PRDM2: variants seen among roughly 807,000 people sequenced by gnomAD.
The protein encoded by PRDM2 is PR domain zinc finger protein 2.
A neutral mutation model predicts 130.0 loss-of-function variants in PRDM2; 30 were observed. The ratio of observed to expected loss-of-function variants is 0.23; its 90% CI spans 0.17 to 0.31. The LOEUF (loss-of-function observed/expected upper bound fraction) is 0.31. Among genes scored for constraint, PRDM2 ranks in the 10% least tolerant of loss-of-function variants. The probability of loss-of-function intolerance (pLI) is 1.00; values close to 1 mark genes in which losing one functional copy is unlikely to be tolerated. For missense variants in PRDM2, 2,011 were observed against 2,108.4 expected (o/e 0.95, Z 0.90); for synonymous variants, 871 against 782.4 (o/e 1.11, Z -1.89).
intron 8 of PRDM2, among the ~76,000 whole-genome samples, chr1:13,792,992 C>G (rs895566740): frequency 7.9e-5 from 12 of 152,242 alleles, no homozygotes; most frequent in Non-Finnish European, 1.6e-4. Flanking sequence ...ACCACCTAAT[C>G]ACTGTGCCCT....
intron 6 of PRDM2, among the ~76,000 whole-genome samples, chr1:13,752,988 G>A (rs996635607): frequency 5.3e-5 from 8 of 152,188 alleles, no homozygotes; most frequent in South Asian, 2.1e-4. Flanking sequence ...AACATGGCTG[G>A]CGTTTACTTC....
rs778100937 is a variant in PRDM2, at chr1:13,778,764, A to C, written c.969A>C (p.Pro323=). The part of the protein sequence containing the change: ...DEKPEDLLEE[P]KTTSEETLED... The stretch of plus-strand genomic sequence containing the variant: ...AGCCAGAAGATTTATTAGAGGAACC[A>C]AAAACAACTTCAGAAGAAACTCTTG... The change falls in exon 8 of 10, where the codon CCA becomes CCC. Residue 323 remains proline, a synonymous_variant. Transcript: ENST00000311066. 1.9e-5 allele frequency: 31 copies of C among 1,613,896 alleles called. No homozygotes were observed. The highest frequency in any genetic ancestry group is 2.5e-5 in the Non-Finnish European group (30 of 1,180,026).
rs765601495 is a variant in PRDM2, at chr1:13,779,207, C to A, written c.1412C>A (p.Ser471Tyr). The change falls in exon 8 of 10, where the codon TCT (serine) becomes TAT (tyrosine). Residue 471 changes from serine to tyrosine, a missense_variant. Coordinates refer to ENST00000311066, the MANE Select transcript of PRDM2 (RefSeq NM_001393986.1). This position sits in a 1 kb window ranked among gnomAD's most constrained non-coding sequence, Gnocchi z 4.9. Reference sequence around the variant, plus strand: ...GCTTCCCAAGACACAATAAATTCTTCTGTCGTAGAAGAGAATGGGGAAGTT... The same window carrying A: ...GCTTCCCAAGACACAATAAATTCTTATGTCGTAGAAGAGAATGGGGAAGTT... ...EKASQDTINS[S>Y]VVEENGEVKE... 6.2e-7 allele frequency: 1 copy of A among 1,614,180 alleles called. No homozygotes were observed. Among genetic ancestry groups the A allele is most frequent in the South Asian group, 1.1e-5 (1 of 91,088 alleles).
chr1:13,741,610 T>C (rs1191958688), intron 4 of PRDM2, among the ~76,000 whole-genome samples: 1 of 152,178 alleles, frequency 6.6e-6, no homozygotes, highest in Non-Finnish European at 1.5e-5. Flanking sequence ...CACTGCAAGC[T>C]GTTTTCCTTT....
chr1:13,759,569 A>G (rs780365106), intron 6 of PRDM2, among the ~76,000 whole-genome samples: 7 of 152,154 alleles, frequency 4.6e-5, no homozygotes, highest in African/African-American at 1.4e-4. Context: ...CAGAATGTCT[A>G]AGGGCCTGTG....
At chr1:13,716,393 A>G (rs995292312) in intron 2 of PRDM2, among the ~76,000 whole-genome samples, 2 of 152,036 alleles carry the variant, frequency 1.3e-5, no homozygotes, top group African/African-American at 4.8e-5. Context: ...TGGCACATGT[A>G]TACGTATGTA....
At chr1:13,712,763 A>C (rs1007662206) in intron 1 of PRDM2, among the ~76,000 whole-genome samples, 1 of 151,950 alleles carries the variant, frequency 6.6e-6, no homozygotes, top group Non-Finnish European at 1.5e-5. Context: ...CCGTCTCAAA[A>C]AACAAACAAA....
intron 8 of PRDM2, among the ~76,000 whole-genome samples, chr1:13,798,405 A>T (rs1026942440): frequency 1.4e-4 from 22 of 152,230 alleles, no homozygotes; most frequent in African/African-American, 5.3e-4. Context: ...AATTAAAATT[A>T]GTGTTACTGC....
chr1:13,809,893 T>C (rs1265792506), intron 8 of PRDM2, among the ~76,000 whole-genome samples: 2 of 152,174 alleles, frequency 1.3e-5, no homozygotes, highest in Admixed American at 6.5e-5. Context: ...AGTTCAAGAT[T>C]AGGGTACCAG....
In PRDM2 at chr1:13,786,811, G is replaced by A. The variant is rs755107103; in HGVS notation, c.5036+3980G>A. 2.3e-4 allele frequency: 284 copies of A among 1,259,950 alleles called. 1 individual carries two copies. The highest frequency in any genetic ancestry group is 2.7e-4 in the Non-Finnish European group (268 of 997,154). The allele number at this position is 1,259,950 out of a possible 1,614,324, so 78.0% of individuals were successfully genotyped here. ...GAACTGGCTCCTCGTCATGGGACTG[G>A]TACCTCAGATCTGAGCATGGCCCTT... On this transcript the variant is annotated intron_variant, in intron 8 of 9. Transcript: ENST00000311066.
rs376070230 is a variant in PRDM2, at chr1:13,781,002, C to T, written c.3207C>T (p.Ser1069=). Residue 1069 remains serine (S), a synonymous_variant, in exon 8 of 10, where the codon TCC becomes TCT. Transcript: ENST00000311066. This position sits in a 1 kb window ranked among gnomAD's most constrained non-coding sequence, Gnocchi z 6.1. ...SSSSSFSSSS[S]SSSPSPPPLS... The stretch of plus-strand genomic sequence containing the variant: ...CCTCTTCGTTTTCTTCTTCATCTTC[C>T]TCCTCTTCTCCTTCTCCACCTCCTC... 6.9e-6 allele frequency: 11 copies of T among 1,600,344 alleles called. No homozygotes were observed. The highest frequency in any genetic ancestry group is 1.3e-5 in the African/African-American group (1 of 74,508).
At chr1:13,767,311 T>C (rs1557634109) in intron 6 of PRDM2, among the ~76,000 whole-genome samples, 2 of 152,026 alleles carry the variant, frequency 1.3e-5, no homozygotes, top group East Asian at 3.9e-4. Flanking sequence ...GTCTTTGTTT[T>C]GTTTTTGAGA....
At chr1:13,819,218 C>A (rs944685085) in intron 9 of PRDM2, among the ~76,000 whole-genome samples, 2 of 152,362 alleles carry the variant, frequency 1.3e-5, no homozygotes, top group South Asian at 4.1e-4. Context: ...TGGGCCATTT[C>A]TGTTGGCCAC....
intron 9 of PRDM2, 102 bp from the exon 10 acceptor site, chr1:13,823,057 A>G (rs1645378892): frequency 8.5e-7 from 1 of 1,176,158 alleles, no homozygotes; most frequent in Admixed American, 2.0e-5. Flanking sequence ...TGTTTCAATA[A>G]ACAGTTTAGT....
intron 4 of PRDM2, among the ~76,000 whole-genome samples, chr1:13,738,543 A>AGTGC (rs947894169): frequency 7.2e-5 from 11 of 152,214 alleles, no homozygotes; most frequent in African/African-American, 2.7e-4. Flanking sequence ...AGGGTCTGTT[A>AGTGC]GTGCGGCTTC....
intron 6 of PRDM2, among the ~76,000 whole-genome samples, chr1:13,751,762 T>C (rs879302910): frequency 6.6e-6 from 1 of 152,328 alleles, no homozygotes; most frequent in Middle Eastern, 3.4e-3. Context: ...AACAAAGGGC[T>C]GAATTCTTCA....
At chr1:13,702,862 G>C (rs1269670526) in intron 1 of PRDM2, among the ~76,000 whole-genome samples, 1 of 152,206 alleles carries the variant, frequency 6.6e-6, no homozygotes, top group Non-Finnish European at 1.5e-5. Context: ...ATAATGGGGA[G>C]TGGAAGAGGA....
At chr1:13,819,045 C>T (rs1266992620) in intron 9 of PRDM2, among the ~76,000 whole-genome samples, 5 of 152,274 alleles carry the variant, frequency 3.3e-5, no homozygotes, top group South Asian at 2.1e-4. Context: ...TGAACAATTC[C>T]GACTCTGGGA....
At chr1:13,801,171 T>C (rs1645001217) in intron 8 of PRDM2, among the ~76,000 whole-genome samples, 2 of 152,160 alleles carry the variant, frequency 1.3e-5, no homozygotes, top group South Asian at 4.1e-4. Flanking sequence ...AGTGACATCC[T>C]ATGGAGGGGG....
Sources: allele counts gnomAD v4.1 joint callset (sites outside exome capture counted in the v4.1 genomes callset), GRCh38; gene constraint gnomAD v4.1.1; non-coding constraint Gnocchi (gnomAD v3.1); transcripts MANE v1.5; gene names NCBI Gene and HGNC (gene_info 2026-07-23, HGNC 2026-07-21).